The following NUMA1 variants were observed in gnomAD, a reference collection of about 807,000 sequenced individuals.
NUMA1 encodes nuclear mitotic apparatus protein 1, also known as SP-H antigen.
Under a neutral mutation model 237.1 loss-of-function variants are expected in NUMA1, and 62 were observed. The ratio of observed to expected loss-of-function variants is 0.26; its 90% CI spans 0.21 to 0.32. The LOEUF (loss-of-function observed/expected upper bound fraction) is 0.32, where lower values mean the gene tolerates loss of function less well. Ranked by LOEUF, NUMA1 falls within the 10% of genes least tolerant of loss-of-function variation. NUMA1 has a pLI of 1.00. For synonymous variants in NUMA1, 1,028 were observed against 1,066.1 expected, an observed-to-expected ratio of 0.96 and a Z score of 0.70; for missense variants, 2,533 against 2,666.5, an observed-to-expected ratio of 0.95 and a Z score of 1.10.
chr11:72,030,705 AC>A (rs1277052229), intron 3 of NUMA1, among the ~76,000 whole-genome samples: 4 of 152,208 alleles, frequency 2.6e-5, no homozygotes, highest in African/African-American at 9.7e-5. Flanking sequence ...GGGGAGAGAG[AC>A]TGAGCCTGCT....
At chr11:72,066,702 C>T (rs935097865) in intron 2 of NUMA1, 4 of 152,208 alleles carry the variant, frequency 2.6e-5, no homozygotes, top group African/African-American at 9.7e-5. Context: ...TCTATGTGCT[C>T]CCATATTGCT....
At chr11:72,054,465 T>C (rs1024535490) in intron 2 of NUMA1, among the ~76,000 whole-genome samples, 4 of 149,240 alleles carry the variant, frequency 2.7e-5, no homozygotes, top group African/African-American at 7.4e-5. Context: ...CAAAACTCCA[T>C]CTCAAAAAAA....
intron 4 of NUMA1, among the ~76,000 whole-genome samples, chr11:72,025,160 G>A (rs979352222): frequency 2.6e-5 from 4 of 152,228 alleles, no homozygotes; most frequent in Non-Finnish European, 4.4e-5. Flanking sequence ...AAAGTGCTGG[G>A]ATTACAGGCT....
chr11:72,063,543 A>T (rs192266312), intron 2 of NUMA1, among the ~76,000 whole-genome samples: 1 of 142,724 alleles, frequency 7.0e-6, no homozygotes, highest in African/African-American at 2.6e-5. Flanking sequence ...TGCTAGGATG[A>T]TGGGTGTGAG....
rs144839807 is a variant in NUMA1 at position 72,015,787 on chromosome 11, C to T, written c.1716G>A (p.Glu572=). 8.1e-5 allele frequency: 131 copies of T among 1,614,250 alleles called. 2 individuals are homozygous for T. The Admixed American group carries it at 1.0e-3, about 12-fold the overall frequency. The part of the protein sequence containing the change: ...QKEQQLKEVA[E]KQEATRQDHA... ...GGTCCTGCCTAGTTGCCTCCTGCTT[C>T]TCCGCTACCTCCTTCAACTGCTGCT... Residue 572 remains glutamate (E), a synonymous_variant, in exon 15 of 27, where the codon GAG becomes GAA. Transcript: ENST00000393695. This position sits in a 1 kb window ranked among gnomAD's most constrained non-coding sequence, Gnocchi z 4.0.
intron 4 of NUMA1, among the ~76,000 whole-genome samples, chr11:72,027,027 T>C (rs1166819367): frequency 1.3e-5 from 2 of 152,172 alleles, no homozygotes; most frequent in African/African-American, 2.4e-5. Flanking sequence ...GCCCTTCCTA[T>C]GAAAATTTCC....
intron 2 of NUMA1, among the ~76,000 whole-genome samples, chr11:72,042,326 A>G (rs1302908917): frequency 6.6e-6 from 1 of 152,230 alleles, no homozygotes; most frequent in African/African-American, 2.4e-5. Context: ...AAGTATACAA[A>G]GATGAATTAA....
At chr11:72,057,385 C>G (rs1942712596) in intron 2 of NUMA1, among the ~76,000 whole-genome samples, 1 of 152,176 alleles carries the variant, frequency 6.6e-6, no homozygotes, top group Non-Finnish European at 1.5e-5. Context: ...TATTAAAACT[C>G]TATTTTGACT....
rs374539191 is a variant in NUMA1, at chr11:72,010,780, C to T, written c.4719+6G>A. ...GAGGCCAGACCCATTCCCCCAGCTG[C>T]CCCACCTTCAGCTTCTGCTGCTGCA... is the stretch of plus-strand genomic sequence containing the variant. On this transcript the variant is annotated splice_donor_region_variant and intron_variant, in intron 17 of 26. Coordinates refer to ENST00000393695, the MANE Select transcript of NUMA1 (RefSeq NM_006185.4). The T allele has an allele frequency of 6.2e-6, 10 of 1,612,850 alleles. No individual in the cohort carries two copies. In the African/African-American group the frequency reaches 1.3e-4, roughly 22 times the overall value.
At chr11:72,017,513 TA>T (rs752985681) in intron 13 of NUMA1, 173 bp downstream of exon 13, 9,246 of 563,570 alleles carry the variant, frequency 0.016, no homozygotes, top group South Asian at 0.018. Context: ...AAAAATAAGT[TA>T]AAAAAAAAAG....
At chr11:72,042,550 G>A (rs1201929659) in intron 2 of NUMA1, among the ~76,000 whole-genome samples, 4 of 152,204 alleles carry the variant, frequency 2.6e-5, no homozygotes, top group African/African-American at 9.7e-5. Flanking sequence ...ACAGAGAGGT[G>A]TGGGGAGGAA....
intron 2 of NUMA1, among the ~76,000 whole-genome samples, chr11:72,064,358 A>G (rs1943105447): frequency 6.6e-6 from 1 of 151,470 alleles, no homozygotes; most frequent in Non-Finnish European, 1.5e-5. Flanking sequence ...GCTACTTGGG[A>G]AGCTAAAGCG....
chr11:72,004,536 G>A (rs147980089), intron 24 of NUMA1, 104 bp downstream of exon 24: 17 of 1,307,438 alleles, frequency 1.3e-5, no homozygotes, highest in Middle Eastern at 2.2e-4. Context: ...GGGAAAGAGA[G>A]GGGGAAGTGA....
intron 5 of NUMA1, chr11:72,024,071 G>A: frequency 1.8e-6 from 1 of 556,678 alleles, no homozygotes; most frequent in Non-Finnish European, 3.2e-6. Context: ...CTCTGGGACT[G>A]AAGGGACACT....
At chr11:72,006,822 G>A (rs1955750454) in intron 21 of NUMA1, among the ~76,000 whole-genome samples, 1 of 152,198 alleles carries the variant, frequency 6.6e-6, no homozygotes, top group Non-Finnish European at 1.5e-5. Context: ...AAAGGCAAGG[G>A]CCTGTAGCCT....
rs117729282 is a variant in NUMA1, at chr11:72,017,776, G to T, written c.1030C>A (p.Leu344Met). Reference sequence around the variant, plus strand: ...GTGGCCTTGCTGTGCTCCTCCGTCAGCTCATTGAGGGCATCCTGTAGCTGC... The same window carrying T: ...GTGGCCTTGCTGTGCTCCTCCGTCATCTCATTGAGGGCATCCTGTAGCTGC... The part of the protein sequence containing the change: ...LQQLQDALNE[L>M]TEEHSKATQE... Residue 344 changes from leucine (L) to methionine (M), a missense_variant, in exon 13 of 27, where the codon CTG (leucine) becomes ATG (methionine). Coordinates refer to ENST00000393695, the MANE Select transcript of NUMA1 (RefSeq NM_006185.4). The T allele has an allele frequency of 6.2e-7, 1 of 1,612,632 alleles. No individual in the cohort carries two copies. Among genetic ancestry groups the T allele is most frequent in the East Asian group, 2.2e-5 (1 of 44,856 alleles).
At chr11:72,079,028 A>G (rs1943861485) in intron 1 of NUMA1, among the ~76,000 whole-genome samples, 1 of 152,228 alleles carries the variant, frequency 6.6e-6, no homozygotes, top group African/African-American at 2.4e-5. Context: ...TTCAAGAGGG[A>G]GTGCCATTCC....
At position 72,018,450 on chromosome 11, in the gene NUMA1, G is replaced by T. The variant is rs368732432; in HGVS notation, c.806C>A (p.Ala269Glu). The change falls in exon 11 of 27, where the codon GCG (alanine) becomes GAG (glutamate). Residue 269 changes from alanine (A) to glutamate (E), a missense_variant. Transcript: ENST00000393695. ...DRLALLNEKQAASPLEPKELE... is the reference protein window; with the variant it reads ...DRLALLNEKQEASPLEPKELE... The stretch of plus-strand genomic sequence containing the variant: ...CTCCTTGGGCTCCAGTGGGCTGGCC[G>T]CCTGCTTCTCATTCAGCAGGGCTAG... The T allele has an allele frequency of 6.2e-7, 1 of 1,614,018 alleles. No homozygotes were observed. The highest frequency in any genetic ancestry group is 1.7e-5 in the Admixed American group (1 of 60,004).
chr11:72,032,887 T>C (rs1226097187), intron 3 of NUMA1, among the ~76,000 whole-genome samples: 2 of 152,248 alleles, frequency 1.3e-5, no homozygotes, highest in Admixed American at 1.3e-4. Context: ...TATAAATTAC[T>C]GAAAATTCAG....
Sources: allele counts gnomAD v4.1 joint callset (sites outside exome capture counted in the v4.1 genomes callset), GRCh38; gene constraint gnomAD v4.1.1; non-coding constraint Gnocchi (gnomAD v3.1); transcripts MANE v1.5; gene names NCBI Gene and HGNC (gene_info 2026-07-23, HGNC 2026-07-21).